BAZ1B: variants seen among roughly 807,000 people sequenced by gnomAD.
BAZ1B encodes the protein bromodomain adjacent to zinc finger domain 1B, also known as tyrosine-protein kinase BAZ1B.
In BAZ1B, 22 loss-of-function variants were observed where a neutral mutation model predicts 153.8. The observed-to-expected ratio is 0.14, with a 90% CI of 0.10 to 0.20. The LOEUF (loss-of-function observed/expected upper bound fraction) is 0.20. BAZ1B is among the 10% of genes least tolerant of loss of function. The pLI is 1.00. For missense variants in BAZ1B, 1,325 were observed against 1,799.3 expected (o/e 0.74, Z 4.77); for synonymous variants, 676 against 633.4 (o/e 1.07, Z -1.01).
Position 73,479,000 on chromosome 7 carries a change from C to A in BAZ1B, c.892-431G>T, listed in dbSNP as rs781806126. On this transcript the variant is annotated intron_variant, in intron 6 of 19. Coordinates refer to ENST00000339594, the MANE Select transcript of BAZ1B (RefSeq NM_032408.4). The stretch of plus-strand genomic sequence containing the variant: ...AAAAAGCACTGTTCTTGAAACAAGA[C>A]TGAATTTTCATCCTTTCACTGTTGG... 4.9e-4 allele frequency among the ~76,000 whole-genome samples: 74 copies of A among 152,260 alleles called. No homozygotes were observed. The Middle Eastern group carries it at 0.014, about 28-fold the overall frequency.
intron 13 of BAZ1B, among the ~76,000 whole-genome samples, chr7:73,455,354 C>T (rs996642936): frequency 1.3e-5 from 2 of 152,192 alleles, no homozygotes; most frequent in Admixed American, 1.3e-4. Context: ...GGACCTCTCC[C>T]ATAATGTAAT....
intron 6 of BAZ1B, among the ~76,000 whole-genome samples, chr7:73,479,032 T>C (rs545626238): frequency 1.3e-5 from 2 of 152,244 alleles, no homozygotes; most frequent in African/African-American, 2.4e-5. Context: ...TTGGTTCCTA[T>C]TCAGGGCATT....
At chr7:73,484,472 C>A (rs1197990247) in intron 6 of BAZ1B, among the ~76,000 whole-genome samples, 1 of 151,986 alleles carries the variant, frequency 6.6e-6, no homozygotes, top group Non-Finnish European at 1.5e-5. Flanking sequence ...GACCCTGTCT[C>A]TTCAACAAAT....
chr7:73,488,355 C>A (rs1368740447), intron 6 of BAZ1B, among the ~76,000 whole-genome samples: 6 of 152,242 alleles, frequency 3.9e-5, no homozygotes, highest in East Asian at 1.9e-4. Flanking sequence ...GCCTCAGATA[C>A]CCCATCTGTA....
Position 73,446,546 on chromosome 7 carries a change from C to CAAAA in BAZ1B, c.3844+714_3844+717dup, listed in dbSNP as rs1175189600. Among the ~76,000 whole-genome samples the CAAAA allele has an allele frequency of 1.9e-3, 77 of 41,504 alleles. 4 individuals are homozygous for CAAAA. Among genetic ancestry groups the CAAAA allele is most frequent in the African/African-American group, 5.0e-3 (61 of 12,204 alleles). The allele number at this position is 41,504 out of a possible 152,430, so 27.2% of individuals were successfully genotyped here. A position where few individuals can be genotyped will look rare whatever the true frequency, so the allele number is the denominator to read the frequency against. ...AGCCCAGGCGACAGTGAGACCATCT[C>CAAAA]AAAAAAAAAAAAAAAAAAAAAAAAG... On this transcript the variant is annotated intron_variant, in intron 16 of 19. Transcript: ENST00000339594.
At chr7:73,516,035 T>A (rs1206181700) in intron 1 of BAZ1B, among the ~76,000 whole-genome samples, 1 of 152,130 alleles carries the variant, frequency 6.6e-6, no homozygotes, top group Non-Finnish European at 1.5e-5. Context: ...TAGTCCCAGC[T>A]ACTCGGGAGG....
At chr7:73,444,709 C>G (rs1554565975) in intron 16 of BAZ1B, among the ~76,000 whole-genome samples, 1 of 152,098 alleles carries the variant, frequency 6.6e-6, no homozygotes, top group South Asian at 2.1e-4. Flanking sequence ...GCCCAGGATC[C>G]CCAATGAGAG....
intron 1 of BAZ1B, 59 bp from the exon 2 acceptor site, chr7:73,510,911 CAT>C: frequency 7.3e-7 from 1 of 1,372,798 alleles, no homozygotes; most frequent in African/African-American, 1.4e-5. Flanking sequence ...AACCCATACC[CAT>C]AAGATACTTA....
At chr7:73,449,765 C>A (rs1787967201) in intron 14 of BAZ1B, 76 bp from the exon 15 acceptor site, 2 of 1,493,348 alleles carry the variant, frequency 1.3e-6, no homozygotes, top group Non-Finnish European at 1.8e-6. Flanking sequence ...GAGGCAATCA[C>A]CCTACAATTC....
chr7:73,457,019 G>C (rs1431918147), intron 13 of BAZ1B, among the ~76,000 whole-genome samples: 1 of 146,264 alleles, frequency 6.8e-6, no homozygotes, highest in Non-Finnish European at 1.5e-5. Context: ...CTCATGAGTT[G>C]CTGGAGAGAA....
intron 13 of BAZ1B, among the ~76,000 whole-genome samples, chr7:73,457,058 C>A (rs1304144078): frequency 6.9e-6 from 1 of 145,264 alleles, no homozygotes; most frequent in African/African-American, 2.6e-5. Flanking sequence ...CTATAGGAAA[C>A]CATAGAGTGG....
At chr7:73,482,472 GAAC>G (rs1789240095) in intron 6 of BAZ1B, among the ~76,000 whole-genome samples, 1 of 152,102 alleles carries the variant, frequency 6.6e-6, no homozygotes. Flanking sequence ...CTAATGCTCA[GAAC>G]AACAGATTAT....
At chr7:73,460,270 G>GC (rs1225419788) in intron 12 of BAZ1B, among the ~76,000 whole-genome samples, 30 of 147,584 alleles carry the variant, frequency 2.0e-4, no homozygotes, top group South Asian at 6.5e-4. Flanking sequence ...AATGGCAGAA[G>GC]CCCCCCCACA....
At chr7:73,511,408 A>C (rs782535866) in intron 1 of BAZ1B, among the ~76,000 whole-genome samples, 6 of 151,966 alleles carry the variant, frequency 3.9e-5, no homozygotes, top group Admixed American at 2.6e-4. Context: ...TCACGTCTCT[A>C]ATCTCAGCAT....
intron 1 of BAZ1B, among the ~76,000 whole-genome samples, chr7:73,515,440 G>A (rs1790757539): frequency 6.6e-6 from 1 of 150,874 alleles, no homozygotes; most frequent in African/African-American, 2.4e-5. Context: ...GAGGCTTAAA[G>A]TCATGATGTC....
chr7:73,514,547 A>C (rs559110905), intron 1 of BAZ1B, among the ~76,000 whole-genome samples: 250 of 152,050 alleles, frequency 1.6e-3, no homozygotes, highest in African/African-American at 5.9e-3. Flanking sequence ...AAAAAAAAAA[A>C]AAACTGCATA....
chr7:73,508,423 C>G lies in BAZ1B; in HGVS notation c.273G>C (p.Met91Ile). The change falls in exon 3 of 20, where the codon ATG becomes ATC. Residue 91 changes from methionine (M) to isoleucine (I), a missense_variant. Physicochemically the swap from Met to Ile is conservative, Grantham distance 10 (BLOSUM62 1). This residue lies in a region of BAZ1B where 153 missense variants were observed against 204.8 expected (regional missense o/e 0.75). Transcript: ENST00000339594. ...PAWYEKLVLEMVHHNTASLEK... is the reference protein window; with the variant it reads ...PAWYEKLVLEIVHHNTASLEK... ...CTAAGGAGGCTGTGTTATGGTGAAC[C>G]ATTTCCAGAACAAGCTTCTCATACC... The G allele has an allele frequency of 4.3e-6, 7 of 1,613,476 alleles. No individual in the cohort carries two copies. Among genetic ancestry groups the G allele is most frequent in the Non-Finnish European group, 5.9e-6 (7 of 1,179,638 alleles).
chr7:73,519,260 C>G (rs527329392), intron 1 of BAZ1B, among the ~76,000 whole-genome samples: 1 of 152,244 alleles, frequency 6.6e-6, no homozygotes, highest in East Asian at 1.9e-4. Flanking sequence ...ATTAAAATAT[C>G]AAGTCCCATT....
At chr7:73,508,100 G>A (rs1790417482) in intron 3 of BAZ1B, among the ~76,000 whole-genome samples, 2 of 152,072 alleles carry the variant, frequency 1.3e-5, no homozygotes, top group South Asian at 4.1e-4. Context: ...AGGTTGCAGT[G>A]AGCCAAGATT....
Sources: allele counts gnomAD v4.1 joint callset (sites outside exome capture counted in the v4.1 genomes callset), GRCh38; gene constraint gnomAD v4.1.1; regional missense constraint gnomAD v4.1.1; transcripts MANE v1.5; gene names NCBI Gene and HGNC (gene_info 2026-07-23, HGNC 2026-07-21).